Variants in FAP observed in about 807,000 individuals in gnomAD.
FAP encodes the protein fibroblast activation protein alpha.
A neutral mutation model predicts 126.5 loss-of-function variants in FAP; 110 were observed. The ratio of observed to expected loss-of-function variants is 0.87; its 90% CI spans 0.74 to 1.02. The LOEUF is 1.02. FAP is among the 50% of genes least tolerant of loss of function. The pLI is 0.00. For synonymous variants in FAP, 334 were observed against 297.3 expected, an observed-to-expected ratio of 1.12 and a Z score of -1.27; for missense variants, 919 against 909.2, an observed-to-expected ratio of 1.01 and a Z score of -0.14.
chr2:162,198,443 T>C, intron 16 of FAP: 1 of 968,300 alleles, frequency 1.0e-6, no homozygotes, highest in Non-Finnish European at 1.4e-6. Flanking sequence ...GTCTTAGTGC[T>C]GTGGAATGTG....
At chr2:162,171,535 A>G (rs1330795906) in intron 25 of FAP, 1 of 165,680 alleles carries the variant, frequency 6.0e-6, no homozygotes, top group African/African-American at 2.4e-5. Context: ...AATCCACAAT[A>G]TAATGTATTC....
At chr2:162,229,511 A>G (rs1480069000) in intron 2 of FAP, among the ~76,000 whole-genome samples, 1 of 152,138 alleles carries the variant, frequency 6.6e-6, no homozygotes, top group Non-Finnish European at 1.5e-5. Context: ...CATTTTGTCT[A>G]TTGCCTAGCT....
rs746452363 is a variant in FAP, at chr2:162,219,202, G to T, written c.487-19C>A. 6.3e-7 allele frequency: 1 copy of T among 1,593,662 alleles called. No homozygotes were observed. Among genetic ancestry groups the T allele is most frequent in the Admixed American group, 1.7e-5 (1 of 57,870 alleles). On this transcript the variant is annotated intron_variant, in intron 7 of 25. Transcript: ENST00000188790. ...CATATGCCTAAAAGTGGTGGTAAGG[G>T]GAAATTCCACAACAAATTAAATGAA... is the stretch of plus-strand genomic sequence containing the variant.
At chr2:162,235,708 C>G (rs904511320) in intron 2 of FAP, among the ~76,000 whole-genome samples, 18 of 152,208 alleles carry the variant, frequency 1.2e-4, no homozygotes, top group African/African-American at 4.3e-4. Context: ...AGCAGGCTGC[C>G]TGAGCCAGCA....
intron 20 of FAP, 116 bp downstream of exon 20, chr2:162,188,053 G>T: frequency 2.4e-6 from 2 of 847,156 alleles, no homozygotes; most frequent in African/African-American, 1.7e-5. Flanking sequence ...GATAGTTTTA[G>T]ACCAAGTTAG....
intron 20 of FAP, chr2:162,183,679 T>A (rs1687769088): frequency 4.2e-6 from 2 of 478,960 alleles, no homozygotes; most frequent in Non-Finnish European, 7.5e-6. Flanking sequence ...GACTCTGTTG[T>A]ACAGTTATTG....
intron 21 of FAP, among the ~76,000 whole-genome samples, chr2:162,178,453 C>T (rs1015787950): frequency 6.6e-6 from 1 of 152,110 alleles, no homozygotes; most frequent in African/African-American, 2.4e-5. Flanking sequence ...GGCCTCTACC[C>T]ACTAGATGCC....
intron 11 of FAP, among the ~76,000 whole-genome samples, chr2:162,210,950 A>G (rs1688909361): frequency 6.6e-6 from 1 of 152,224 alleles, no homozygotes; most frequent in African/African-American, 2.4e-5. Flanking sequence ...GGTATAGATT[A>G]AAATTACCCA....
At chr2:162,190,756 A>G (rs995131399) in intron 17 of FAP, among the ~76,000 whole-genome samples, 1 of 152,040 alleles carries the variant, frequency 6.6e-6, no homozygotes, top group Admixed American at 6.6e-5. Context: ...TCTTGTTTTT[A>G]TGCCTTTTTG....
chr2:162,173,062 A>G lies in FAP; in HGVS notation c.2107+87T>C, dbSNP rs1009548012. The G allele has an allele frequency of 3.1e-6, 4 of 1,279,650 alleles. No individual in the cohort carries two copies. The African/African-American group carries it at 4.4e-5, about 14-fold the overall frequency. The allele number at this position is 1,279,650 out of a possible 1,614,324, so 79.3% of individuals were successfully genotyped here. A position where few individuals can be genotyped will look rare whatever the true frequency, so the allele number is the denominator to read the frequency against. ...TGACTCTTAGGTACTGACCCTGAGC[A>G]TAGGCATAGGAGGATGCTTAATGTT... On this transcript the variant is annotated intron_variant, in intron 24 of 25. Coordinates refer to ENST00000188790, the MANE Select transcript of FAP (RefSeq NM_004460.5).
At chr2:162,188,429 C>A in intron 19 of FAP, 66 bp from the exon 20 acceptor site, 1 of 1,343,648 alleles carries the variant, frequency 7.4e-7, no homozygotes, top group Admixed American at 1.9e-5. Flanking sequence ...CCCATCCTGG[C>A]CAAGCATTGC....
chr2:162,200,382 G>T (rs551725537), intron 15 of FAP, among the ~76,000 whole-genome samples, 184 bp downstream of exon 15: 1 of 152,116 alleles, frequency 6.6e-6, no homozygotes, highest in African/African-American at 2.4e-5. Flanking sequence ...CAAATATTTT[G>T]AATTGGCTAA....
chr2:162,195,004 A>T (rs1005118710), intron 16 of FAP: 15 of 491,982 alleles, frequency 3.0e-5, no homozygotes, highest in Non-Finnish European at 5.2e-5. Flanking sequence ...ATCCTGAATC[A>T]TTAATATCGA....
intron 18 of FAP, 100 bp downstream of exon 18, chr2:162,189,556 T>A: frequency 1.5e-6 from 1 of 654,536 alleles, no homozygotes; most frequent in African/African-American, 1.9e-5. Flanking sequence ...TATTAATAGA[T>A]CGCAGAATTT....
At chr2:162,171,882 C>G (rs558282041) in intron 25 of FAP, 1 of 151,874 alleles carries the variant, frequency 6.6e-6, no homozygotes, top group Admixed American at 6.6e-5. Context: ...ACTGAAATAC[C>G]CATCACCTCA....
At chr2:162,215,813 C>T in intron 10 of FAP, 85 bp downstream of exon 10, 2 of 891,868 alleles carry the variant, frequency 2.2e-6, no homozygotes, top group South Asian at 1.5e-5. Flanking sequence ...CTCTTATCTA[C>T]TTATTTGTTT....
intron 21 of FAP, among the ~76,000 whole-genome samples, chr2:162,178,691 C>T (rs1296340830): frequency 6.6e-6 from 1 of 152,150 alleles, no homozygotes; most frequent in African/African-American, 2.4e-5. Flanking sequence ...TTCCCCATTT[C>T]TTGAACTCGA....
chr2:162,195,867 C>CCCA (rs1360312621), intron 16 of FAP, among the ~76,000 whole-genome samples: 1 of 152,008 alleles, frequency 6.6e-6, no homozygotes, highest in African/African-American at 2.4e-5. Flanking sequence ...CCCCACCCCC[C>CCCA]CCAGATAGGG....
chr2:162,232,743 G>T (rs1377345316), intron 2 of FAP, among the ~76,000 whole-genome samples: 1 of 152,102 alleles, frequency 6.6e-6, no homozygotes, highest in East Asian at 1.9e-4. Context: ...TTATTTTATT[G>T]TTATGTTATA....
Sources: gnomAD v4.1 joint callset for allele counts (sites outside exome capture counted in the v4.1 genomes callset) on GRCh38, gnomAD v4.1.1 for gene constraint, MANE v1.5 for transcripts, NCBI Gene and HGNC (gene_info 2026-07-23, HGNC 2026-07-21) for gene names.